Variants in LTBP1 observed in about 807,000 individuals in gnomAD.
LTBP1 encodes the protein latent transforming growth factor beta binding protein 1.
LTBP1 carries 129 observed loss-of-function variants against 207.6 expected under a neutral mutation model. The ratio of observed to expected loss-of-function variants is 0.62; its 90% CI spans 0.54 to 0.72. LTBP1 has a LOEUF of 0.72. LTBP1 is among the 30% of genes least tolerant of loss of function. The pLI, the probability that LTBP1 is intolerant of heterozygous loss-of-function variation, is 0.00. For synonymous variants in LTBP1, 963 were observed against 833.7 expected (o/e 1.16, Z -2.67); for missense variants, 2,281 against 2,217.2 (o/e 1.03, Z -0.58).
intron 3 of LTBP1, among the ~76,000 whole-genome samples, chr2:33,077,974 T>C (rs555014664): frequency 6.6e-6 from 1 of 152,176 alleles, no homozygotes; most frequent in Admixed American, 6.5e-5. Flanking sequence ...GCGGGTGAAC[T>C]CACCCTTGTA....
At chr2:33,123,182 T>C (rs1428939981) in intron 4 of LTBP1, among the ~76,000 whole-genome samples, 1 of 152,202 alleles carries the variant, frequency 6.6e-6, no homozygotes, top group Non-Finnish European at 1.5e-5. Flanking sequence ...GGAGAATTGT[T>C]CTGCCTGGCC....
At chr2:33,132,766 A>G (rs1444236990) in intron 4 of LTBP1, among the ~76,000 whole-genome samples, 13 of 152,196 alleles carry the variant, frequency 8.5e-5, no homozygotes, top group Admixed American at 8.5e-4. Context: ...TTTCTCCTCC[A>G]GAGGAATAAT....
At chr2:32,985,424 G>A (rs192351997) in intron 2 of LTBP1, among the ~76,000 whole-genome samples, 121 of 152,280 alleles carry the variant, frequency 7.9e-4, no homozygotes, top group African/African-American at 2.6e-3. Context: ...CTCACAGCAG[G>A]AGTCAGGCCC....
intron 3 of LTBP1, among the ~76,000 whole-genome samples, chr2:33,109,172 A>G (rs556848026): frequency 6.6e-6 from 1 of 152,326 alleles, no homozygotes; most frequent in East Asian, 1.9e-4. Context: ...TACCAGCTCC[A>G]ATGAGAATGA....
At chr2:33,244,170 A>T (rs1441500470) in intron 10 of LTBP1, among the ~76,000 whole-genome samples, 1 of 152,166 alleles carries the variant, frequency 6.6e-6, no homozygotes, top group Non-Finnish European at 1.5e-5. Context: ...GTTGAATTGA[A>T]CTGTGTCCCA....
At chr2:33,397,809 A>G (rs2095373578) in intron 33 of LTBP1, among the ~76,000 whole-genome samples, 1 of 151,636 alleles carries the variant, frequency 6.6e-6, no homozygotes, top group Non-Finnish European at 1.5e-5. Flanking sequence ...GGCGTGAGCC[A>G]CCACGCCTGG....
chr2:33,080,472 G>A (rs185607964), intron 3 of LTBP1, among the ~76,000 whole-genome samples: 4 of 152,168 alleles, frequency 2.6e-5, no homozygotes, highest in Admixed American at 2.0e-4. Flanking sequence ...TATAATATCT[G>A]TGTTCAAGAT....
At chr2:33,169,740 ATCTT>A (rs568905889) in intron 5 of LTBP1, among the ~76,000 whole-genome samples, 472 of 152,360 alleles carry the variant, frequency 3.1e-3, no homozygotes, top group Middle Eastern at 0.014. Context: ...GACAAATAGA[ATCTT>A]AAAGTTTATG....
intron 2 of LTBP1, among the ~76,000 whole-genome samples, chr2:32,991,632 AGTT>A (rs1054979783): frequency 3.9e-5 from 6 of 152,200 alleles, no homozygotes; most frequent in African/African-American, 1.4e-4. Flanking sequence ...AACTGTTTTC[AGTT>A]GTTGTAACAT....
In LTBP1 at chr2:33,275,031, G is replaced by A. The variant is rs752887751; in HGVS notation, c.2810G>A (p.Ser937Asn). The change falls in exon 17 of 34, where the codon AGT (serine) becomes AAT (asparagine). Residue 937 changes from serine to asparagine, a missense_variant. Physicochemically the swap from Ser to Asn is conservative, Grantham distance 46. Around this residue, in one of 3 missense-constraint regions of LTBP1, gnomAD observed 1,671 missense variants for 1,634.8 expected, o/e 1.02. Coordinates refer to ENST00000404816, the MANE Select transcript of LTBP1 (RefSeq NM_206943.4). ...SQGRCENTEG[S>N]FLCICPAGFM... is the part of the protein sequence containing the mutation. ...GGCCGCTGTGAAAACACCGAGGGAA[G>A]TTTCTTGTGCATTTGCCCAGCAGGA... 3.2e-5 allele frequency: 51 copies of A among 1,614,014 alleles called. No homozygotes were observed. Among genetic ancestry groups the A allele is most frequent in the Admixed American group, 2.3e-4 (14 of 60,008 alleles).
chr2:33,362,829 C>T (rs1322806256), intron 28 of LTBP1, among the ~76,000 whole-genome samples: 5 of 152,184 alleles, frequency 3.3e-5, no homozygotes, highest in African/African-American at 1.2e-4. Context: ...TCCTTCCTCT[C>T]TTATTAGGTA....
intron 15 of LTBP1, among the ~76,000 whole-genome samples, chr2:33,273,117 C>T (rs1293776152): frequency 6.6e-6 from 1 of 151,996 alleles, no homozygotes; most frequent in Non-Finnish European, 1.5e-5. Context: ...TAAGATACAC[C>T]AAGAAGTTTT....
chr2:33,210,032 CTCT>C (rs1198187119), intron 7 of LTBP1, among the ~76,000 whole-genome samples: 1 of 152,242 alleles, frequency 6.6e-6, no homozygotes, highest in Non-Finnish European at 1.5e-5. Context: ...AAAAGCTGCC[CTCT>C]TGCCATTTAC....
At chr2:33,028,876 A>G (rs960194969) in intron 3 of LTBP1, among the ~76,000 whole-genome samples, 1 of 152,220 alleles carries the variant, frequency 6.6e-6, no homozygotes, top group African/African-American at 2.4e-5. Flanking sequence ...GGCTGACGGC[A>G]AAGCCCAGGC....
chr2:33,314,219 C>T (rs1352209198), intron 23 of LTBP1, among the ~76,000 whole-genome samples: 4 of 152,160 alleles, frequency 2.6e-5, no homozygotes, highest in African/African-American at 9.7e-5. Context: ...CTGATTTCAT[C>T]ATCGGAAACC....
At chr2:32,950,471 A>G (rs1198705141) in intron 2 of LTBP1, among the ~76,000 whole-genome samples, 1 of 151,678 alleles carries the variant, frequency 6.6e-6, no homozygotes, top group Non-Finnish European at 1.5e-5. Context: ...AGGCAGGAGA[A>G]TTGCTTGAAC....
intron 30 of LTBP1, 42 bp downstream of exon 30, chr2:33,364,398 C>T: frequency 1.3e-6 from 2 of 1,564,318 alleles, no homozygotes; most frequent in Non-Finnish European, 1.7e-6. Context: ...AAATAACTAT[C>T]ATAAGATTTT....
At chr2:32,962,502 T>G (rs1167874260) in intron 2 of LTBP1, among the ~76,000 whole-genome samples, 1 of 152,228 alleles carries the variant, frequency 6.6e-6, no homozygotes, top group Non-Finnish European at 1.5e-5. Flanking sequence ...CAATAGACCC[T>G]CAGTAAGGTT....
chr2:33,041,276 C>A (rs954356097), intron 3 of LTBP1, among the ~76,000 whole-genome samples: 3 of 151,874 alleles, frequency 2.0e-5, no homozygotes, highest in African/African-American at 7.3e-5. Flanking sequence ...TGTGTCTTTT[C>A]TTTTTCTTTC....
Sources: gnomAD v4.1 joint callset for allele counts (sites outside exome capture counted in the v4.1 genomes callset) on GRCh38, gnomAD v4.1.1 for gene constraint, gnomAD v4.1.1 regional missense constraint, MANE v1.5 for transcripts, NCBI Gene and HGNC (gene_info 2026-07-23, HGNC 2026-07-21) for gene names.